ZNF662: variants seen among roughly 807,000 people sequenced by gnomAD.
The protein encoded by ZNF662 is zinc finger protein 662.
In ZNF662, 14 loss-of-function variants were observed where a neutral mutation model predicts 12.4. The observed-to-expected ratio is 1.13, with a 90% CI of 0.75 to 1.77. ZNF662 has a LOEUF of 1.77. Ranked by LOEUF, ZNF662 falls within the 40% of genes most tolerant of loss-of-function variation. The pLI is 0.00. For missense variants in ZNF662, 550 were observed against 515.6 expected (o/e 1.07, Z -0.65); for synonymous variants, 184 against 176.4 (o/e 1.04, Z -0.34).
In ZNF662 at chr3:42,916,814, C is replaced by CATGG. The variant is rs1479007328; in HGVS notation, c.*1460_*1461insATGG. 3 of 152,322 alleles carry CATGG rather than the reference C, an allele frequency of 2.0e-5. No individual in the cohort carries two copies. The highest frequency in any genetic ancestry group is 4.4e-5 in the Non-Finnish European group (3 of 68,046). The allele number at this position is 152,322 out of a possible 1,614,324, so 9.4% of individuals were successfully genotyped here. A position where few individuals can be genotyped will look rare whatever the true frequency, so the allele number is the denominator to read the frequency against. ...TTCCTATCCTAAATCCTCTTCCAGTCTGTCCATCCCTCACTACCATGATAG... is the reference window on the plus strand; with the variant it reads ...TTCCTATCCTAAATCCTCTTCCAGTCATGGTGTCCATCCCTCACTACCATGATAG... On this transcript the variant is annotated 3_prime_UTR_variant, in exon 5 of 5. Coordinates refer to ENST00000440367, the MANE Select transcript of ZNF662 (RefSeq NM_207404.4).
At chr3:42,911,902 A>G (rs527783104) in intron 3 of ZNF662, 3 of 152,290 alleles carry the variant, frequency 2.0e-5, no homozygotes, top group South Asian at 4.1e-4. Context: ...GAAGGAAACT[A>G]GGAGATTACG....
intron 3 of ZNF662, among the ~76,000 whole-genome samples, chr3:42,911,510 G>T (rs1475681327): frequency 6.6e-6 from 1 of 152,150 alleles, no homozygotes; most frequent in Non-Finnish European, 1.5e-5. Flanking sequence ...GTTACTCCTT[G>T]AGCAAAATTC....
intron 3 of ZNF662, among the ~76,000 whole-genome samples, chr3:42,909,347 A>G (rs1340094194): frequency 1.3e-5 from 2 of 152,170 alleles, no homozygotes; most frequent in African/African-American, 4.8e-5. Flanking sequence ...CCGTTAGTGG[A>G]CACAGCACAT....
intron 4 of ZNF662, among the ~76,000 whole-genome samples, chr3:42,914,091 C>G (rs182811490): frequency 1.7e-3 from 263 of 150,340 alleles, no homozygotes; most frequent in Middle Eastern, 6.8e-3. Context: ...GAGAGCCTAC[C>G]CTGGTCCTTG....
chr3:42,912,655 T>TATATATATATTTTTATATATATAA (rs1559381489), intron 3 of ZNF662, among the ~76,000 whole-genome samples: 10 of 46,704 alleles, frequency 2.1e-4, no homozygotes, highest in South Asian at 6.0e-4. Flanking sequence ...TATATATAAA[T>TATATATATATTTTTATATATATAA]ATATATATAT....
chr3:42,906,279 C>A lies in ZNF662; in HGVS notation c.-94+111C>A. 7.1e-7 allele frequency: 1 copy of A among 1,409,724 alleles called. No homozygotes were observed. The allele number at this position is 1,409,724 out of a possible 1,614,324, so 87.3% of individuals were successfully genotyped here. A position where few individuals can be genotyped will look rare whatever the true frequency, so the allele number is the denominator to read the frequency against. On this transcript the variant is annotated intron_variant, in intron 1 of 4. Transcript: ENST00000440367. This position sits in a 1 kb window ranked among gnomAD's most constrained non-coding sequence, Gnocchi z 4.4. Reference sequence around the variant, plus strand: ...GTGTCAGGCCTGCCCAGGTGCAGAGCGCTCTTCCGCGACCCCAACAGCCTC... The same window carrying A: ...GTGTCAGGCCTGCCCAGGTGCAGAGAGCTCTTCCGCGACCCCAACAGCCTC...
rs2088889211 is a variant in ZNF662, at chr3:42,915,542, A to C, written c.*188A>C. ...CTGTTCTATGATGTTTTAACAAGGC[A>C]TCATTTAGTTGGGCAGCTACTCTGT... On this transcript the variant is annotated 3_prime_UTR_variant, in exon 5 of 5. Coordinates refer to ENST00000440367, the MANE Select transcript of ZNF662 (RefSeq NM_207404.4). The C allele has an allele frequency of 1.8e-6, 1 of 567,444 alleles. No individual in the cohort carries two copies. Among genetic ancestry groups the C allele is most frequent in the African/African-American group, 1.9e-5 (1 of 53,660 alleles). 35.2% of individuals were successfully genotyped at this position (567,444 alleles called of 1,614,324 possible).
In ZNF662 at chr3:42,912,560, A is replaced by ATT. The variant is rs1245757368; in HGVS notation, c.152-640_152-639insTT. ...ATATTTATATATTTAATATAAATAT[A>ATT]TATATAAATACATATTTTATATATA... On this transcript the variant is annotated intron_variant, in intron 3 of 4. Transcript: ENST00000440367. Among the ~76,000 whole-genome samples, 6 of 64,896 alleles carry ATT rather than the reference A, an allele frequency of 9.2e-5. 1 individual carries two copies. Among genetic ancestry groups the ATT allele is most frequent in the East Asian group, 1.1e-3 (2 of 1,856 alleles). 42.6% of individuals were successfully genotyped at this position (64,896 alleles called of 152,430 possible).
chr3:42,913,117 C>T, intron 3 of ZNF662, 84 bp from the exon 4 acceptor site: 1 of 932,758 alleles, frequency 1.1e-6, no homozygotes, highest in Non-Finnish European at 1.7e-6. Context: ...TTATTCTCTC[C>T]CTACCACTTC....
chr3:42,908,166 TG>T lies in ZNF662; in HGVS notation c.34+21del, dbSNP rs760210198. Reference sequence around the variant, plus strand: ...TTCCCTGGGTAAGGGTCTCTCCCTTTGGGCCCTGCCTCCACCCTTGAGAGTT... The same window carrying T: ...TTCCCTGGGTAAGGGTCTCTCCCTTTGGCCCTGCCTCCACCCTTGAGAGTT... On this transcript the variant is annotated intron_variant, in intron 2 of 4. Transcript: ENST00000440367. The T allele has an allele frequency of 4.4e-6, 7 of 1,607,648 alleles. No homozygotes were observed. The highest frequency in any genetic ancestry group is 6.0e-6 in the Non-Finnish European group (7 of 1,175,846).
chr3:42,910,005 T>C, intron 3 of ZNF662, among the ~76,000 whole-genome samples: 1 of 152,082 alleles, frequency 6.6e-6, no homozygotes, highest in Non-Finnish European at 1.5e-5. Context: ...GGAAGGTGGC[T>C]GGGAGGTGGA....
At position 42,909,353 on chromosome 3, in the gene ZNF662, C is replaced by A. The variant is rs1236801687; in HGVS notation, c.151+444C>A. Reference sequence around the variant, plus strand: ...TCCATTTAACCGTTAGTGGACACAGCACATGTTTCAGAGAGCACGGGGTTG... The same window carrying A: ...TCCATTTAACCGTTAGTGGACACAGAACATGTTTCAGAGAGCACGGGGTTG... On this transcript the variant is annotated intron_variant, in intron 3 of 4. Transcript: ENST00000440367. Among the ~76,000 whole-genome samples the A allele has an allele frequency of 4.6e-5, 7 of 152,170 alleles. No individual in the cohort carries two copies. In the East Asian group the frequency reaches 1.3e-3, roughly 29 times the overall value.
At position 42,906,425 on chromosome 3, in the gene ZNF662, T is replaced by C; in HGVS notation, c.-94+257T>C. Reference sequence around the variant, plus strand: ...GAGCTGCTCCCGGGACAGCCCGCGCTGCCCCGGGCGCGCCGGGTGAGTGCG... The same window carrying C: ...GAGCTGCTCCCGGGACAGCCCGCGCCGCCCCGGGCGCGCCGGGTGAGTGCG... On this transcript the variant is annotated intron_variant, in intron 1 of 4. Transcript: ENST00000440367. This position sits in a 1 kb window ranked among gnomAD's most constrained non-coding sequence, Gnocchi z 4.4. 3 of 1,475,834 alleles carry C rather than the reference T, an allele frequency of 2.0e-6. No homozygotes were observed. The highest frequency in any genetic ancestry group is 1.8e-6 in the Non-Finnish European group (2 of 1,118,242). 91.4% of individuals were successfully genotyped at this position (1,475,834 alleles called of 1,614,324 possible).
chr3:42,906,267 C>A lies in ZNF662; in HGVS notation c.-94+99C>A. 1 of 1,304,204 alleles carries A rather than the reference C, an allele frequency of 7.7e-7. No homozygotes were observed. The highest frequency in any genetic ancestry group is 1.5e-5 in the African/African-American group (1 of 65,234). The allele number at this position is 1,304,204 out of a possible 1,614,324, so 80.8% of individuals were successfully genotyped here. A position where few individuals can be genotyped will look rare whatever the true frequency, so the allele number is the denominator to read the frequency against. On this transcript the variant is annotated intron_variant, in intron 1 of 4. Coordinates refer to ENST00000440367, the MANE Select transcript of ZNF662 (RefSeq NM_207404.4). This position sits in a 1 kb window ranked among gnomAD's most constrained non-coding sequence, Gnocchi z 4.4. ...CGCAGGGTAGCCGTGTCAGGCCTGC[C>A]CAGGTGCAGAGCGCTCTTCCGCGAC...
At chr3:42,912,718 A>ATTTTTT (rs1559381616) in intron 3 of ZNF662, among the ~76,000 whole-genome samples, 4 of 95,406 alleles carry the variant, frequency 4.2e-5, no homozygotes, top group African/African-American at 1.7e-4. Flanking sequence ...ATATATATAT[A>ATTTTTT]TATTTTTTAT....
In ZNF662 at chr3:42,915,149, C is replaced by A. The variant is rs756802466; in HGVS notation, c.1076C>A (p.Pro359His). The change falls in exon 5 of 5, where the codon CCT becomes CAT. Residue 359 changes from proline (P) to histidine (H), a missense_variant. Pro to His is a moderately conservative substitution (Grantham distance 77). Transcript: ENST00000440367. ...QHQRVHTGDKPHECTDCGKSF... is the reference protein window; with the variant it reads ...QHQRVHTGDKHHECTDCGKSF... ...CAGAGGGTCCACACTGGGGACAAGC[C>A]TCATGAATGTACTGACTGTGGGAAA... is the stretch of plus-strand genomic sequence containing the variant. 15 of 1,614,044 alleles carry A rather than the reference C, an allele frequency of 9.3e-6. No individual in the cohort carries two copies. Among genetic ancestry groups the A allele is most frequent in the Admixed American group, 1.7e-5 (1 of 60,000 alleles).
Position 42,906,192 on chromosome 3 carries a change from G to A in ZNF662, c.-94+24G>A. The stretch of plus-strand genomic sequence containing the variant: ...GGGTGTGGAGCACGGGGAGTCGGGC[G>A]TGGGGCGGGCAGGGAGTGGAGTCGG... On this transcript the variant is annotated intron_variant, in intron 1 of 4. Coordinates refer to ENST00000440367, the MANE Select transcript of ZNF662 (RefSeq NM_207404.4). This position sits in a 1 kb window ranked among gnomAD's most constrained non-coding sequence, Gnocchi z 4.4. 1.6e-6 allele frequency: 1 copy of A among 614,874 alleles called. No homozygotes were observed. Among genetic ancestry groups the A allele is most frequent in the Non-Finnish European group, 2.6e-6 (1 of 377,530 alleles). The allele number at this position is 614,874 out of a possible 1,614,324, so 38.1% of individuals were successfully genotyped here. A position where few individuals can be genotyped will look rare whatever the true frequency, so the allele number is the denominator to read the frequency against.
In ZNF662 at chr3:42,906,196, G is replaced by C; in HGVS notation, c.-94+28G>C. On this transcript the variant is annotated intron_variant, in intron 1 of 4. Coordinates refer to ENST00000440367, the MANE Select transcript of ZNF662 (RefSeq NM_207404.4). The surrounding 1 kb of genome is among the most constrained non-coding windows in gnomAD (Gnocchi z 4.4). ...GTGGAGCACGGGGAGTCGGGCGTGGGGCGGGCAGGGAGTGGAGTCGGGGTC... is the reference window on the plus strand; with the variant it reads ...GTGGAGCACGGGGAGTCGGGCGTGGCGCGGGCAGGGAGTGGAGTCGGGGTC... 1.6e-6 allele frequency: 1 copy of C among 626,700 alleles called. No individual in the cohort carries two copies. The highest frequency in any genetic ancestry group is 3.5e-5 in the East Asian group (1 of 28,984). 38.8% of individuals were successfully genotyped at this position (626,700 alleles called of 1,614,324 possible).
chr3:42,910,025 G>C (rs1046919302), intron 3 of ZNF662, among the ~76,000 whole-genome samples: 2 of 152,116 alleles, frequency 1.3e-5, no homozygotes, highest in Non-Finnish European at 2.9e-5. Context: ...AGGTTGTAGC[G>C]AGCCGAGATC....
Sources: gnomAD v4.1 joint callset for allele counts (sites outside exome capture counted in the v4.1 genomes callset) on GRCh38, gnomAD v4.1.1 for gene constraint, Gnocchi (gnomAD v3.1) non-coding constraint, MANE v1.5 for transcripts, NCBI Gene and HGNC (gene_info 2026-07-23, HGNC 2026-07-21) for gene names.